Variants in PTN observed in about 807,000 individuals in gnomAD.
PTN encodes the protein pleiotrophin, also known as heparin affin regulatory protein.
PTN carries 18 observed loss-of-function variants against 24.1 expected under a neutral mutation model. That is an observed-to-expected ratio of 0.75 (90% CI 0.52 to 1.11). The LOEUF is 1.11. Ranked by LOEUF, PTN falls within the 50% of genes least tolerant of loss-of-function variation. The probability of loss-of-function intolerance (pLI) is 0.00; values close to 1 mark genes in which losing one functional copy is unlikely to be tolerated. For synonymous variants in PTN, 78 were observed against 68.6 expected (o/e 1.14, Z -0.67); for missense variants, 163 against 198.8 (o/e 0.82, Z 1.08).
intron 1 of PTN, among the ~76,000 whole-genome samples, chr7:137,267,956 G>T (rs1414885082): frequency 6.6e-6 from 1 of 151,762 alleles, no homozygotes; most frequent in Non-Finnish European, 1.5e-5. Context: ...GATCAATCCT[G>T]TCAAGCAATT....
intron 1 of PTN, among the ~76,000 whole-genome samples, chr7:137,320,030 T>C (rs1323841527): frequency 6.6e-6 from 1 of 152,218 alleles, no homozygotes; most frequent in African/African-American, 2.4e-5. Flanking sequence ...CAAATCTCTC[T>C]CTCTTTCTAG....
chr7:137,297,274 C>T (rs1809733039), intron 1 of PTN, among the ~76,000 whole-genome samples: 1 of 152,086 alleles, frequency 6.6e-6, no homozygotes, highest in Non-Finnish European at 1.5e-5. Context: ...GATAAAGGGG[C>T]ATAGGCCATT....
intron 1 of PTN, among the ~76,000 whole-genome samples, chr7:137,322,209 T>C (rs1264439539): frequency 6.6e-6 from 1 of 152,226 alleles, no homozygotes; most frequent in Non-Finnish European, 1.5e-5. Flanking sequence ...AGGTACCTAA[T>C]AGGTGTTTAC....
chr7:137,318,174 A>G (rs551789317), intron 1 of PTN, among the ~76,000 whole-genome samples: 1 of 152,330 alleles, frequency 6.6e-6, no homozygotes, highest in East Asian at 1.9e-4. Context: ...AGGCTGAGGC[A>G]GGAGAATTGC....
chr7:137,234,310 G>A (rs190564893), intron 4 of PTN, among the ~76,000 whole-genome samples: 120 of 151,798 alleles, frequency 7.9e-4, no homozygotes, highest in Middle Eastern at 3.4e-3. Context: ...ACAAATCATC[G>A]AATGCTTAAA....
At chr7:137,325,353 G>A (rs988711912) in intron 1 of PTN, 2 of 152,138 alleles carry the variant, frequency 1.3e-5, no homozygotes, top group Non-Finnish European at 2.9e-5. Context: ...AACTGAAAAT[G>A]ATCCATTTAC....
intron 1 of PTN, among the ~76,000 whole-genome samples, chr7:137,268,866 T>C (rs1809213288): frequency 6.6e-6 from 1 of 152,370 alleles, no homozygotes; most frequent in Non-Finnish European, 1.5e-5. Flanking sequence ...AATTCTTTCC[T>C]AGTTCTGTCA....
chr7:137,338,848 T>C (rs1201324314), intron 1 of PTN, among the ~76,000 whole-genome samples: 1 of 152,148 alleles, frequency 6.6e-6, no homozygotes, highest in Non-Finnish European at 1.5e-5. Flanking sequence ...ATATTAAAAA[T>C]GTGAGTCCAG....
intron 1 of PTN, among the ~76,000 whole-genome samples, chr7:137,292,215 A>C (rs1265762046): frequency 6.6e-6 from 1 of 152,120 alleles, no homozygotes; most frequent in Non-Finnish European, 1.5e-5. Context: ...CCCTGATATA[A>C]ACCAGTGTAG....
intron 1 of PTN, among the ~76,000 whole-genome samples, chr7:137,317,729 A>C (rs1810095850): frequency 1.3e-5 from 2 of 152,182 alleles, no homozygotes; most frequent in Admixed American, 1.3e-4. Context: ...CTTAAACAAT[A>C]CTGCATTGTA....
chr7:137,236,807 A>C (rs1397406463), intron 4 of PTN, among the ~76,000 whole-genome samples: 1 of 152,180 alleles, frequency 6.6e-6, no homozygotes, highest in African/African-American at 2.4e-5. Context: ...TAGTATTATA[A>C]ACAGTAATAA....
chr7:137,296,377 A>T (rs1285562039), intron 1 of PTN, among the ~76,000 whole-genome samples: 1 of 152,116 alleles, frequency 6.6e-6, no homozygotes, highest in East Asian at 1.9e-4. Flanking sequence ...TAGACATATT[A>T]AAACACTAAT....
intron 1 of PTN, among the ~76,000 whole-genome samples, chr7:137,277,900 TGAGATGATAGATA>T (rs61539722): frequency 0.47 from 69,969 of 149,450 alleles, 16,586 homozygotes; most frequent in Middle Eastern, 0.49. Flanking sequence ...GATAGATAGA[TGAGATGATAGATA>T]GATAGATAGA....
At chr7:137,295,075 A>G (rs540002653) in intron 1 of PTN, among the ~76,000 whole-genome samples, 2 of 152,242 alleles carry the variant, frequency 1.3e-5, no homozygotes, top group East Asian at 3.9e-4. Flanking sequence ...TGTGGCTATT[A>G]AGCCCATGAA....
intron 1 of PTN, among the ~76,000 whole-genome samples, chr7:137,281,182 A>G (rs1021395465): frequency 6.6e-6 from 1 of 152,098 alleles, no homozygotes; most frequent in African/African-American, 2.4e-5. Flanking sequence ...TCAAGAGCTC[A>G]TAGAATATAA....
intron 1 of PTN, among the ~76,000 whole-genome samples, chr7:137,262,785 T>C (rs1809065815): frequency 6.6e-6 from 1 of 152,180 alleles, no homozygotes; most frequent in Non-Finnish European, 1.5e-5. Context: ...GGTCCTTCCA[T>C]ACAATGTCTG....
chr7:137,321,949 T>C (rs1248956863), intron 1 of PTN, among the ~76,000 whole-genome samples: 2 of 152,168 alleles, frequency 1.3e-5, no homozygotes, highest in Non-Finnish European at 2.9e-5. Context: ...TACAATAAGT[T>C]ACAAAGTAAG....
intron 4 of PTN, among the ~76,000 whole-genome samples, chr7:137,248,438 C>A (rs1313990710): frequency 6.6e-6 from 1 of 152,138 alleles, no homozygotes; most frequent in Non-Finnish European, 1.5e-5. Flanking sequence ...TTAATCCCAG[C>A]ACTTTGGGAG....
At chr7:137,268,756 G>A (rs1809211322) in intron 1 of PTN, among the ~76,000 whole-genome samples, 1 of 152,178 alleles carries the variant, frequency 6.6e-6, no homozygotes, top group South Asian at 2.1e-4. Context: ...GTTCCTAGGC[G>A]CTGGGTTACC....
Sources: gnomAD v4.1 joint callset for allele counts (sites outside exome capture counted in the v4.1 genomes callset) on GRCh38, gnomAD v4.1.1 for gene constraint, MANE v1.5 for transcripts, NCBI Gene and HGNC (gene_info 2026-07-23, HGNC 2026-07-21) for gene names.